Variants in NAA60 observed in about 807,000 individuals in gnomAD.
The protein encoded by NAA60 is N-alpha-acetyltransferase 60, NatF catalytic subunit.
Under a neutral mutation model 26.1 loss-of-function variants are expected in NAA60, and 8 were observed. That is an observed-to-expected ratio of 0.31 (90% CI 0.18 to 0.55). The LOEUF is 0.55. Among genes scored for constraint, NAA60 ranks in the 20% least tolerant of loss-of-function variants. The pLI is 0.93. For missense variants in NAA60, 290 were observed against 311.3 expected, an observed-to-expected ratio of 0.93 and a Z score of 0.51; for synonymous variants, 131 against 122.5, an observed-to-expected ratio of 1.07 and a Z score of -0.46.
Position 3,473,710 on chromosome 16 carries a change from G to T in NAA60, c.-6-2512G>T, listed in dbSNP as rs567555916. ...CCACCATGCTTGGCCCCAGCTTTTT[G>T]TTGTTGTTGTTGTTGTTGTTGTTGT... On this transcript the variant is annotated intron_variant, in intron 2 of 7. Coordinates refer to ENST00000407558, the MANE Select transcript of NAA60 (RefSeq NM_001083601.3). Among the ~76,000 whole-genome samples, 685 of 58,676 alleles carry T rather than the reference G, an allele frequency of 0.012. 33 individuals carry two copies. The East Asian group carries it at 0.35, about 30-fold the overall frequency. 38.5% of individuals were successfully genotyped at this position (58,676 alleles called of 152,430 possible).
intron 2 of NAA60, among the ~76,000 whole-genome samples, chr16:3,464,337 A>G (rs763892675): frequency 6.6e-6 from 1 of 152,194 alleles, no homozygotes; most frequent in Non-Finnish European, 1.5e-5. Flanking sequence ...TAGTTATTTG[A>G]TTCCAGAGGA....
At chr16:3,469,966 C>T (rs1051516316) in intron 2 of NAA60, among the ~76,000 whole-genome samples, 1 of 152,206 alleles carries the variant, frequency 6.6e-6, no homozygotes, top group African/African-American at 2.4e-5. Flanking sequence ...AGGAAGGTCG[C>T]CACCAGATGC....
intron 6 of NAA60, among the ~76,000 whole-genome samples, chr16:3,484,393 G>A (rs543311011): frequency 1.3e-5 from 2 of 152,272 alleles, no homozygotes; most frequent in East Asian, 3.9e-4. Flanking sequence ...AGAACCAGAA[G>A]CACCTGCCCT....
At chr16:3,457,535 A>G (rs773809383) in intron 2 of NAA60, among the ~76,000 whole-genome samples, 12 of 152,232 alleles carry the variant, frequency 7.9e-5, no homozygotes, top group Non-Finnish European at 1.6e-4. Flanking sequence ...GGACAGCCCT[A>G]AACTGCCTTT....
At chr16:3,474,871 G>A (rs1054737175) in intron 2 of NAA60, among the ~76,000 whole-genome samples, 2 of 152,196 alleles carry the variant, frequency 1.3e-5, no homozygotes, top group Admixed American at 6.5e-5. Flanking sequence ...TTTCCTCAAC[G>A]CTGAGATGAA....
At chr16:3,482,366 T>C (rs2036891396) in intron 4 of NAA60, 136 bp from the exon 5 acceptor site, 1 of 712,240 alleles carries the variant, frequency 1.4e-6, no homozygotes, top group Non-Finnish European at 2.5e-6. Context: ...CTCCAGTACC[T>C]CTTGATTCTG....
At chr16:3,449,321 A>C (rs905797579) in intron 2 of NAA60, among the ~76,000 whole-genome samples, 4 of 152,202 alleles carry the variant, frequency 2.6e-5, no homozygotes, top group Non-Finnish European at 5.9e-5. Context: ...GATCGAGACC[A>C]TCCTGGCTAA....
chr16:3,447,537 C>T (rs76996856), intron 1 of NAA60: 6 of 985,282 alleles, frequency 6.1e-6, no homozygotes, highest in Admixed American at 6.2e-5. Flanking sequence ...CTGGTTCTTA[C>T]CGCCTTTACC....
Position 3,483,522 on chromosome 16 carries a change from C to G in NAA60, c.497C>G (p.Ser166Cys). ...KQHHYLPYYYSIRGVLKDGFT... is the reference protein window; with the variant it reads ...KQHHYLPYYYCIRGVLKDGFT... ...CACCACTATCTCCCCTATTACTACT[C>G]CATTCGAGGGGTCCTCAAAGATGGC... Residue 166 changes from serine to cysteine, a missense_variant, in exon 6 of 8, where the codon TCC becomes TGC. Transcript: ENST00000407558. 3.1e-6 allele frequency: 5 copies of G among 1,613,678 alleles called. No individual in the cohort carries two copies. Among genetic ancestry groups the G allele is most frequent in the East Asian group, 2.2e-5 (1 of 44,894 alleles).
At position 3,483,477 on chromosome 16, in the gene NAA60, A is replaced by G. The variant is rs1207454711; in HGVS notation, c.452A>G (p.Glu151Gly). ...AACAACACAGCAATAAACTTCTATG[A>G]AAACAGAGACTTCAAGCAGCACCAC... is the stretch of plus-strand genomic sequence containing the variant. Reference protein sequence around the residue: ...TTNNTAINFYENRDFKQHHYL... With the variant: ...TTNNTAINFYGNRDFKQHHYL... Residue 151 changes from glutamate (E) to glycine (G), a missense_variant, in exon 6 of 8, where the codon GAA becomes GGA. Transcript: ENST00000407558. The G allele has an allele frequency of 6.2e-7, 1 of 1,614,010 alleles. No individual in the cohort carries two copies. Among genetic ancestry groups the G allele is most frequent in the Non-Finnish European group, 8.5e-7 (1 of 1,179,876 alleles).
intron 2 of NAA60, among the ~76,000 whole-genome samples, chr16:3,461,165 C>A (rs2035368242): frequency 6.6e-6 from 1 of 152,178 alleles, no homozygotes; most frequent in African/African-American, 2.4e-5. Context: ...AAAGAGAGAC[C>A]TGTGTTTGAA....
At chr16:3,481,661 T>C (rs956629017) in intron 4 of NAA60, among the ~76,000 whole-genome samples, 2 of 152,192 alleles carry the variant, frequency 1.3e-5, no homozygotes, top group Non-Finnish European at 1.5e-5. Context: ...TCAGGCTTAG[T>C]GAGTTCAAGG....
intron 4 of NAA60, among the ~76,000 whole-genome samples, chr16:3,481,492 G>C (rs533487974): frequency 1.3e-5 from 2 of 152,016 alleles, no homozygotes; most frequent in Admixed American, 6.6e-5. Context: ...CCTGGTGACT[G>C]TGTGCCTGCC....
chr16:3,456,453 T>TTTTGAA (rs2035000192), intron 2 of NAA60, among the ~76,000 whole-genome samples: 1 of 152,064 alleles, frequency 6.6e-6, no homozygotes, highest in Admixed American at 6.6e-5. Context: ...TTTTTTTTTT[T>TTTTGAA]AACCCCATCT....
intron 2 of NAA60, chr16:3,458,061 C>T (rs1365091462): frequency 3.0e-6 from 3 of 985,208 alleles, no homozygotes; most frequent in African/African-American, 3.5e-5. Flanking sequence ...GTCCCGGCTG[C>T]GGCCCCTGCC....
Position 3,483,591 on chromosome 16 carries a change from C to T in NAA60, c.566C>T (p.Thr189Met), listed in dbSNP as rs756795072. ...ATCAACGGCGGCCACCCTCCCTGGA[C>T]GATTTTATATCCTTAACTTCTGGGG... is the stretch of plus-strand genomic sequence containing the variant. ...LYINGGHPPW[T>M]ILDYIQHLGS... The change falls in exon 6 of 8, where the codon ACG becomes ATG. Residue 189 changes from threonine to methionine, a missense_variant. Coordinates refer to ENST00000407558, the MANE Select transcript of NAA60 (RefSeq NM_001083601.3). 6.2e-6 allele frequency: 10 copies of T among 1,608,868 alleles called. No individual in the cohort carries two copies. Among genetic ancestry groups the T allele is most frequent in the East Asian group, 4.5e-5 (2 of 44,868 alleles).
At chr16:3,474,522 G>A (rs913949315) in intron 2 of NAA60, among the ~76,000 whole-genome samples, 2 of 152,274 alleles carry the variant, frequency 1.3e-5, no homozygotes, top group African/African-American at 4.8e-5. Flanking sequence ...TGTCAGGAAA[G>A]GGAAGGTTGT....
intron 2 of NAA60, among the ~76,000 whole-genome samples, chr16:3,452,250 G>C (rs1192534534): frequency 1.3e-5 from 2 of 152,148 alleles, no homozygotes; most frequent in Non-Finnish European, 2.9e-5. Context: ...ATGTTGGTGA[G>C]GCTGCGGGCC....
intron 1 of NAA60, 100 bp from the exon 2 acceptor site, chr16:3,448,371 C>T (rs1163728018): frequency 1.0e-5 from 9 of 874,942 alleles, no homozygotes; most frequent in Non-Finnish European, 1.5e-5. Flanking sequence ...CAGATTGATA[C>T]TCTGAGATCC....
Sources: gnomAD v4.1 joint callset for allele counts (sites outside exome capture counted in the v4.1 genomes callset) on GRCh38, gnomAD v4.1.1 for gene constraint, MANE v1.5 for transcripts, NCBI Gene and HGNC (gene_info 2026-07-23, HGNC 2026-07-21) for gene names.